RABGAP1L: variants seen among roughly 807,000 people sequenced by gnomAD.
RABGAP1L encodes the protein RAB GTPase activating protein 1 like.
In RABGAP1L, 63 loss-of-function variants were observed where a neutral mutation model predicts 137.7. That is an observed-to-expected ratio of 0.46 (90% CI 0.37 to 0.56). RABGAP1L has a LOEUF of 0.56. RABGAP1L is among the 20% of genes least tolerant of loss of function. The pLI is 0.00. For missense variants in RABGAP1L, 1,095 were observed against 1,244.0 expected (o/e 0.88, Z 1.80); for synonymous variants, 431 against 433.7 (o/e 0.99, Z 0.08).
chr1:174,724,756 A>G (rs956647891), intron 17 of RABGAP1L, among the ~76,000 whole-genome samples: 4 of 152,220 alleles, frequency 2.6e-5, no homozygotes, highest in South Asian at 2.1e-4. Flanking sequence ...ATATGACTAT[A>G]TATTATAATA....
chr1:174,898,036 G>C (rs956838599), intron 19 of RABGAP1L: 9 of 150,444 alleles, frequency 6.0e-5, no homozygotes, highest in African/African-American at 2.2e-4. Context: ...CATTCTCACT[G>C]ACTTCAATGA....
At chr1:174,985,480 T>A (rs1340262494) in intron 24 of RABGAP1L, among the ~76,000 whole-genome samples, 2 of 152,210 alleles carry the variant, frequency 1.3e-5, no homozygotes, top group African/African-American at 4.8e-5. Context: ...GTTACACAGC[T>A]AGTAGAACCA....
chr1:174,375,909 A>G (rs1360742209), intron 12 of RABGAP1L, among the ~76,000 whole-genome samples: 1 of 151,996 alleles, frequency 6.6e-6, no homozygotes, highest in Non-Finnish European at 1.5e-5. Context: ...TACTAAAAAT[A>G]TCAAAAAAAT....
intron 1 of RABGAP1L, among the ~76,000 whole-genome samples, chr1:174,174,223 C>CAT (rs1464812898): frequency 7.9e-6 from 1 of 125,958 alleles, no homozygotes; most frequent in Non-Finnish European, 1.7e-5. Context: ...CACACACACA[C>CAT]ACACACACAC....
chr1:174,266,564 T>C (rs1336712454), intron 7 of RABGAP1L, among the ~76,000 whole-genome samples: 1 of 152,206 alleles, frequency 6.6e-6, no homozygotes, highest in Non-Finnish European at 1.5e-5. Flanking sequence ...GTTACCATAG[T>C]ATATTAACAG....
At position 174,349,044 on chromosome 1, in the gene RABGAP1L, C is replaced by CGGGGG. The variant is rs551877098; in HGVS notation, c.1466-21929_1466-21925dup. ...CTCCCGGACAGGGCGGCTGGCCGGG[C>CGGGGG]GGGGGGGGGGCTGACCCCCCCCACC... On this transcript the variant is annotated intron_variant, in intron 11 of 25. Coordinates refer to ENST00000681986, the MANE Select transcript of RABGAP1L (RefSeq NM_001366446.1). Among the ~76,000 whole-genome samples the CGGGGG allele has an allele frequency of 1.2e-4, 12 of 102,840 alleles. No individual in the cohort carries two copies. The East Asian group carries it at 2.7e-3, about 23-fold the overall frequency. 67.5% of individuals were successfully genotyped at this position (102,840 alleles called of 152,430 possible).
intron 13 of RABGAP1L, among the ~76,000 whole-genome samples, chr1:174,444,368 A>G (rs979191812): frequency 5.9e-5 from 9 of 151,952 alleles, no homozygotes; most frequent in Non-Finnish European, 7.4e-5. Context: ...TTTTGCATCT[A>G]TGTTTCTCAG....
At chr1:174,327,183 T>C (rs562673728) in intron 11 of RABGAP1L, among the ~76,000 whole-genome samples, 33 of 152,328 alleles carry the variant, frequency 2.2e-4, no homozygotes, top group Middle Eastern at 3.4e-3. Flanking sequence ...AATGCAGTGA[T>C]TGTGGGACAT....
At chr1:174,522,939 G>T (rs540877794) in intron 13 of RABGAP1L, among the ~76,000 whole-genome samples, 1 of 152,224 alleles carries the variant, frequency 6.6e-6, no homozygotes, top group Non-Finnish European at 1.5e-5. Flanking sequence ...CTCCAACACT[G>T]AGGATTACTT....
chr1:174,445,765 G>A (rs943715056), intron 13 of RABGAP1L, among the ~76,000 whole-genome samples: 2 of 152,024 alleles, frequency 1.3e-5, no homozygotes, highest in African/African-American at 4.8e-5. Context: ...AGTACCTTGT[G>A]GTAGTTTCTT....
intron 13 of RABGAP1L, among the ~76,000 whole-genome samples, chr1:174,539,952 C>G (rs1440799480): frequency 3.3e-5 from 5 of 152,176 alleles, no homozygotes; most frequent in Non-Finnish European, 7.3e-5. Flanking sequence ...TCTCCAGCAC[C>G]TATTGTTTCC....
chr1:174,477,385 T>C (rs2149321945), intron 13 of RABGAP1L, among the ~76,000 whole-genome samples: 1 of 152,356 alleles, frequency 6.6e-6, no homozygotes, highest in African/African-American at 2.4e-5. Context: ...ATAGTAATCA[T>C]CAATGTTTAA....
At chr1:174,407,053 T>A (rs1372739950) in intron 13 of RABGAP1L, among the ~76,000 whole-genome samples, 3 of 152,150 alleles carry the variant, frequency 2.0e-5, no homozygotes, top group African/African-American at 7.2e-5. Flanking sequence ...CTCTAGGGAT[T>A]TTGCTTTGTC....
At chr1:174,776,947 C>T (rs531386424) in intron 18 of RABGAP1L, among the ~76,000 whole-genome samples, 1 of 152,288 alleles carries the variant, frequency 6.6e-6, no homozygotes, top group East Asian at 1.9e-4. Flanking sequence ...ACCATGTTCT[C>T]TGAAGTGACA....
At chr1:174,414,192 A>G (rs1014933044) in intron 13 of RABGAP1L, among the ~76,000 whole-genome samples, 3 of 152,122 alleles carry the variant, frequency 2.0e-5, no homozygotes, top group African/African-American at 7.2e-5. Context: ...TTTCTAGGCC[A>G]CATGGTTGGC....
At chr1:174,320,496 T>C (rs1345664177) in intron 11 of RABGAP1L, among the ~76,000 whole-genome samples, 3 of 152,190 alleles carry the variant, frequency 2.0e-5, no homozygotes, top group Non-Finnish European at 4.4e-5. Flanking sequence ...GTTTGGGTTA[T>C]TTCTAGCTAC....
At chr1:174,253,169 A>G (rs574365171) in intron 7 of RABGAP1L, among the ~76,000 whole-genome samples, 198 of 152,318 alleles carry the variant, frequency 1.3e-3, no homozygotes, top group African/African-American at 4.5e-3. Context: ...GAGGAGAAAA[A>G]CAGGTCAGAG....
At chr1:174,870,217 C>T (rs944370052) in intron 19 of RABGAP1L, among the ~76,000 whole-genome samples, 2 of 152,200 alleles carry the variant, frequency 1.3e-5, no homozygotes, top group Non-Finnish European at 2.9e-5. Flanking sequence ...GTAACTTCTG[C>T]TGTGTCCAGT....
intron 19 of RABGAP1L, among the ~76,000 whole-genome samples, chr1:174,880,829 C>G (rs1330573805): frequency 2.0e-5 from 3 of 152,042 alleles, no homozygotes; most frequent in East Asian, 3.9e-4. Context: ...TCCAGCAATC[C>G]TCCCACCTCA....
Sources: allele counts gnomAD v4.1 joint callset (sites outside exome capture counted in the v4.1 genomes callset), GRCh38; gene constraint gnomAD v4.1.1; transcripts MANE v1.5; gene names NCBI Gene and HGNC (gene_info 2026-07-23, HGNC 2026-07-21).